The following VAV1 variants were observed in gnomAD, a reference collection of about 807,000 sequenced individuals.
The protein encoded by VAV1 is vav guanine nucleotide exchange factor 1, also known as proto-oncogene vav.
Under a neutral mutation model 128.1 loss-of-function variants are expected in VAV1, and 33 were observed. The ratio of observed to expected loss-of-function variants is 0.26; its 90% CI spans 0.20 to 0.34. VAV1 has a LOEUF of 0.34. Ranked by LOEUF, VAV1 falls within the 10% of genes least tolerant of loss-of-function variation. VAV1 has a pLI of 1.00. For synonymous variants in VAV1, 394 were observed against 409.8 expected, an observed-to-expected ratio of 0.96 and a Z score of 0.47; for missense variants, 715 against 1,093.7, an observed-to-expected ratio of 0.65 and a Z score of 4.88.
Position 6,772,725 on chromosome 19 carries a change from C to T in VAV1, c.-83C>T. 6.9e-7 allele frequency: 1 copy of T among 1,457,702 alleles called. No homozygotes were observed. Among genetic ancestry groups the T allele is most frequent in the Non-Finnish European group, 9.3e-7 (1 of 1,074,718 alleles). 90.3% of individuals were successfully genotyped at this position (1,457,702 alleles called of 1,614,324 possible). A position where few individuals can be genotyped will look rare whatever the true frequency, so the allele number is the denominator to read the frequency against. ...GAAGTGGTAGCACTAGCTGTCGCTC[C>T]ACAGGCGAGCAGGGCAGGCGTGCGG... On this transcript the variant is annotated 5_prime_UTR_variant, in exon 1 of 27. Transcript: ENST00000602142. This position sits in a 1 kb window ranked among gnomAD's most constrained non-coding sequence, Gnocchi z 4.8.
intron 1 of VAV1, among the ~76,000 whole-genome samples, chr19:6,790,973 CCA>C (rs1227893420): frequency 6.6e-6 from 1 of 152,160 alleles, no homozygotes; most frequent in East Asian, 1.9e-4. Context: ...TCAATCTGGT[CCA>C]GTGTCTGAGC....
At chr19:6,786,317 A>G (rs896495235) in intron 1 of VAV1, among the ~76,000 whole-genome samples, 1 of 152,080 alleles carries the variant, frequency 6.6e-6, no homozygotes, top group African/African-American at 2.4e-5. Context: ...TCGTGTTTTA[A>G]AAATTATCTT....
chr19:6,787,849 G>A (rs1425522684), intron 1 of VAV1, among the ~76,000 whole-genome samples: 1 of 152,046 alleles, frequency 6.6e-6, no homozygotes, highest in Non-Finnish European at 1.5e-5. Flanking sequence ...GGCCGAGGCA[G>A]GTGGATCACG....
At chr19:6,795,468 TTTTATTTATTTA>T (rs56844379) in intron 1 of VAV1, among the ~76,000 whole-genome samples, 2 of 151,084 alleles carry the variant, frequency 1.3e-5, no homozygotes, top group South Asian at 2.1e-4. Flanking sequence ...GGCGTAGTTC[TTTTATTTATTTA>T]TTTATTTATT....
At chr19:6,831,937 A>G (rs1386963699) in intron 14 of VAV1, among the ~76,000 whole-genome samples, 154 bp from the exon 15 acceptor site, 1 of 150,544 alleles carries the variant, frequency 6.6e-6, no homozygotes, top group East Asian at 2.0e-4. Context: ...TGGATATCCT[A>G]GAAAGCCCTT....
chr19:6,835,483 C>T (rs1171229930), intron 19 of VAV1, among the ~76,000 whole-genome samples: 1 of 152,144 alleles, frequency 6.6e-6, no homozygotes, highest in Non-Finnish European at 1.5e-5. Flanking sequence ...TGGCTAGTTG[C>T]TACCATATTG....
chr19:6,815,650 C>A (rs1971629129), intron 1 of VAV1, among the ~76,000 whole-genome samples: 1 of 152,190 alleles, frequency 6.6e-6, no homozygotes, highest in South Asian at 2.1e-4. Flanking sequence ...AATTCACACA[C>A]ACAGCTATGG....
intron 1 of VAV1, among the ~76,000 whole-genome samples, chr19:6,782,381 G>A (rs1412109318): frequency 6.6e-6 from 1 of 151,676 alleles, no homozygotes; most frequent in Non-Finnish European, 1.5e-5. Flanking sequence ...AAAATAAAAT[G>A]GAAATGTTGA....
intron 23 of VAV1, 56 bp from the exon 24 acceptor site, chr19:6,850,614 T>G: frequency 6.4e-7 from 1 of 1,562,934 alleles, no homozygotes; most frequent in South Asian, 1.1e-5. Context: ...AACTGGGGCT[T>G]GGTGGGGAAT....
Position 6,829,935 on chromosome 19 carries a change from G to A in VAV1, c.1398+17G>A, listed in dbSNP as rs1412853140. On this transcript the variant is annotated intron_variant, in intron 14 of 26. Coordinates refer to ENST00000602142, the MANE Select transcript of VAV1 (RefSeq NM_005428.4). Reference sequence around the variant, plus strand: ...AACAAGAAGGTGGGGCTTTGACGCCGGAACTATGGGGTCCTCCACGCAGTC... The same window carrying A: ...AACAAGAAGGTGGGGCTTTGACGCCAGAACTATGGGGTCCTCCACGCAGTC... 8 of 1,613,802 alleles carry A rather than the reference G, an allele frequency of 5.0e-6. No individual in the cohort carries two copies. The highest frequency in any genetic ancestry group is 1.1e-5 in the South Asian group (1 of 91,074).
intron 2 of VAV1, among the ~76,000 whole-genome samples, chr19:6,821,110 A>G (rs1971771236): frequency 6.6e-6 from 1 of 152,156 alleles, no homozygotes; most frequent in East Asian, 1.9e-4. Context: ...GATTAAATAG[A>G]AAGATAGAGG....
intron 15 of VAV1, 51 bp downstream of exon 15, chr19:6,832,251 G>A (rs755060773): frequency 6.4e-7 from 1 of 1,574,430 alleles, no homozygotes; most frequent in South Asian, 1.1e-5. Context: ...GCAGGGGCTG[G>A]GAAGGAGGAA....
chr19:6,798,521 C>T (rs1335671936), intron 1 of VAV1, among the ~76,000 whole-genome samples: 1 of 151,984 alleles, frequency 6.6e-6, no homozygotes, highest in African/African-American at 2.4e-5. Context: ...GTCATAGTGG[C>T]ATGTGCCTGT....
chr19:6,833,083 C>T lies in VAV1; in HGVS notation c.1509-101C>T, dbSNP rs182813215. ...AAGCCAATCAATGAATGAGTGGACA[C>T]GCAAAACGTGGTCTGTTCATACCAT... On this transcript the variant is annotated intron_variant, in intron 15 of 26. Coordinates refer to ENST00000602142, the MANE Select transcript of VAV1 (RefSeq NM_005428.4). 1.9e-4 allele frequency: 193 copies of T among 1,027,118 alleles called. 1 individual carries two copies. The highest frequency in any genetic ancestry group is 2.4e-4 in the Non-Finnish European group (175 of 719,498). The allele number at this position is 1,027,118 out of a possible 1,614,324, so 63.6% of individuals were successfully genotyped here. A position where few individuals can be genotyped will look rare whatever the true frequency, so the allele number is the denominator to read the frequency against.
chr19:6,834,358 C>T (rs958092472), intron 19 of VAV1, among the ~76,000 whole-genome samples: 2 of 151,084 alleles, frequency 1.3e-5, no homozygotes, highest in South Asian at 4.2e-4. Flanking sequence ...ATTCTCCTGC[C>T]TCAGCCTCCC....
chr19:6,850,562 G>C, intron 23 of VAV1, 108 bp from the exon 24 acceptor site: 1 of 1,001,256 alleles, frequency 1.0e-6, no homozygotes, highest in Non-Finnish European at 1.5e-6. Flanking sequence ...TTGGTTTCCA[G>C]TAGTTACTCC....
chr19:6,828,515 C>G lies in VAV1; in HGVS notation c.1092+28C>G. 1 of 1,614,012 alleles carries G rather than the reference C, an allele frequency of 6.2e-7. No individual in the cohort carries two copies. The highest frequency in any genetic ancestry group is 8.5e-7 in the Non-Finnish European group (1 of 1,179,920). ...GAGTGGGTGTAGGGTGCTGGTGACTCACCTGCTGCAGACACCCTCCTGGTA... is the reference window on the plus strand; with the variant it reads ...GAGTGGGTGTAGGGTGCTGGTGACTGACCTGCTGCAGACACCCTCCTGGTA... On this transcript the variant is annotated intron_variant, in intron 11 of 26. Transcript: ENST00000602142. This position sits in a 1 kb window ranked among gnomAD's most constrained non-coding sequence, Gnocchi z 4.5.
chr19:6,794,292 G>A (rs1971079711), intron 1 of VAV1, among the ~76,000 whole-genome samples: 1 of 152,150 alleles, frequency 6.6e-6, no homozygotes, highest in Admixed American at 6.6e-5. Context: ...TGAGGGTTGG[G>A]CCTTAGGTTG....
intron 1 of VAV1, among the ~76,000 whole-genome samples, chr19:6,773,237 C>T (rs1970542019): frequency 6.6e-6 from 1 of 152,148 alleles, no homozygotes; most frequent in African/African-American, 2.4e-5. Context: ...TGAGTTGGCC[C>T]GCATCTGGGC....
Sources: allele counts gnomAD v4.1 joint callset (sites outside exome capture counted in the v4.1 genomes callset), GRCh38; gene constraint gnomAD v4.1.1; non-coding constraint Gnocchi (gnomAD v3.1); transcripts MANE v1.5; gene names NCBI Gene and HGNC (gene_info 2026-07-23, HGNC 2026-07-21).